ADGRL4: variants seen among roughly 807,000 people sequenced by gnomAD.
ADGRL4 encodes adhesion G protein-coupled receptor L4.
A neutral mutation model predicts 74.8 loss-of-function variants in ADGRL4; 90 were observed. That is an observed-to-expected ratio of 1.20 (90% CI 1.02 to 1.43). The LOEUF (loss-of-function observed/expected upper bound fraction) is 1.43, where lower values mean the gene tolerates loss of function less well. Ranked by LOEUF, ADGRL4 falls within the 40% of genes most tolerant of loss-of-function variation. The probability of loss-of-function intolerance (pLI) is 0.00; values close to 1 mark genes in which losing one functional copy is unlikely to be tolerated. For synonymous variants in ADGRL4, 311 were observed against 279.2 expected, an observed-to-expected ratio of 1.11 and a Z score of -1.14; for missense variants, 881 against 814.3, an observed-to-expected ratio of 1.08 and a Z score of -1.00.
At chr1:78,957,749 A>G (rs1182971130) in intron 2 of ADGRL4, among the ~76,000 whole-genome samples, 5 of 152,194 alleles carry the variant, frequency 3.3e-5, no homozygotes, top group Non-Finnish European at 5.9e-5. Context: ...AAATCTGGCT[A>G]AGATAATTGT....
chr1:78,913,113 C>A (rs1287562598), intron 12 of ADGRL4, among the ~76,000 whole-genome samples: 1 of 151,722 alleles, frequency 6.6e-6, no homozygotes, highest in Non-Finnish European at 1.5e-5. Flanking sequence ...GTCAGAATGG[C>A]TATTATTAAA....
At chr1:78,906,065 T>C (rs1255998545) in intron 12 of ADGRL4, among the ~76,000 whole-genome samples, 1 of 151,952 alleles carries the variant, frequency 6.6e-6, no homozygotes, top group African/African-American at 2.4e-5. Context: ...TGGACAACTT[T>C]CAATAGTTTG....
rs370063408 is a variant in ADGRL4, at chr1:78,918,360, A to G, written c.1462-310T>C. Among the ~76,000 whole-genome samples the G allele has an allele frequency of 5.1e-4, 78 of 152,046 alleles. 1 individual carries two copies. In the East Asian group the frequency reaches 9.5e-3, roughly 19 times the overall value. On this transcript the variant is annotated intron_variant, in intron 10 of 14. Transcript: ENST00000370742. Reference sequence around the variant, plus strand: ...GGATTATTCTCATGTAAACCATGGTATCTTGGTGAATATGTTAGGATTTAA... The same window carrying G: ...GGATTATTCTCATGTAAACCATGGTGTCTTGGTGAATATGTTAGGATTTAA...
At chr1:78,919,723 C>T (rs1417405575) in intron 10 of ADGRL4, among the ~76,000 whole-genome samples, 1 of 151,808 alleles carries the variant, frequency 6.6e-6, no homozygotes, top group Non-Finnish European at 1.5e-5. Flanking sequence ...TGGGAAGGTT[C>T]AAATGGTTCA....
At chr1:79,006,542 C>G in intron 1 of ADGRL4, 91 bp downstream of exon 1, 2 of 1,424,222 alleles carry the variant, frequency 1.4e-6, no homozygotes, top group African/African-American at 1.5e-5. Context: ...AATACACTTG[C>G]CATGTGAGCT....
intron 2 of ADGRL4, among the ~76,000 whole-genome samples, chr1:78,949,308 T>C (rs1649675920): frequency 6.6e-6 from 1 of 152,140 alleles, no homozygotes; most frequent in Admixed American, 6.6e-5. Context: ...AATACATTAA[T>C]AGGTAGAAAA....
At chr1:78,944,999 T>A (rs1003298022) in intron 3 of ADGRL4, among the ~76,000 whole-genome samples, 6 of 151,722 alleles carry the variant, frequency 4.0e-5, no homozygotes, top group African/African-American at 4.8e-5. Flanking sequence ...ACCCTGCCTC[T>A]ACTAAAATAC....
chr1:78,942,805 G>A (rs989099411), intron 3 of ADGRL4, among the ~76,000 whole-genome samples: 5 of 152,000 alleles, frequency 3.3e-5, no homozygotes, highest in Non-Finnish European at 5.9e-5. Context: ...GTGGTGTGTA[G>A]TGTAGTCCCA....
intron 12 of ADGRL4, among the ~76,000 whole-genome samples, chr1:78,895,433 C>T (rs1239669978): frequency 6.6e-6 from 1 of 151,796 alleles, no homozygotes; most frequent in African/African-American, 2.4e-5. Context: ...TCATACAATC[C>T]TTATAAATCT....
At chr1:78,938,072 A>G (rs1489765394) in intron 5 of ADGRL4, 28 bp downstream of exon 5, 6 of 1,607,576 alleles carry the variant, frequency 3.7e-6, no homozygotes, top group Non-Finnish European at 5.1e-6. Flanking sequence ...AAGCTCAATT[A>G]TATTGAGTTA....
chr1:78,964,642 T>C (rs953013797), intron 2 of ADGRL4, among the ~76,000 whole-genome samples: 2 of 152,138 alleles, frequency 1.3e-5, no homozygotes, highest in Non-Finnish European at 2.9e-5. Context: ...TCATCAATCA[T>C]AGTAAAACTG....
chr1:78,913,434 T>C (rs1028586555), intron 12 of ADGRL4, among the ~76,000 whole-genome samples: 8 of 151,978 alleles, frequency 5.3e-5, no homozygotes, highest in Non-Finnish European at 1.0e-4. Context: ...CGTGGAATAC[T>C]ATGCAGTCAG....
chr1:78,982,925 G>C (rs1168129577), intron 2 of ADGRL4, among the ~76,000 whole-genome samples: 1 of 151,828 alleles, frequency 6.6e-6, no homozygotes. Context: ...TACATATTCA[G>C]TGATAGGATG....
chr1:78,937,315 C>G (rs182156765), intron 6 of ADGRL4, among the ~76,000 whole-genome samples: 1 of 152,262 alleles, frequency 6.6e-6, no homozygotes, highest in East Asian at 1.9e-4. Context: ...TGTGCTGGCA[C>G]ACGCCTGTAA....
At chr1:78,934,063 GA>G (rs934149908) in intron 7 of ADGRL4, among the ~76,000 whole-genome samples, 3 of 151,702 alleles carry the variant, frequency 2.0e-5, no homozygotes, top group Admixed American at 1.3e-4. Context: ...CACAGAATTA[GA>G]AAAAAAATAC....
intron 10 of ADGRL4, 148 bp from the exon 11 acceptor site, chr1:78,918,198 C>T (rs1229892609): frequency 1.6e-6 from 1 of 612,874 alleles, no homozygotes; most frequent in African/African-American, 1.9e-5. Context: ...ATTAAAATAC[C>T]ATGTCAGTTC....
intron 12 of ADGRL4, among the ~76,000 whole-genome samples, chr1:78,911,874 C>T (rs1252616900): frequency 6.6e-6 from 1 of 151,840 alleles, no homozygotes; most frequent in East Asian, 1.9e-4. Context: ...TTAACTTCAT[C>T]TGCATATTAG....
At chr1:78,991,486 C>T (rs1284493457) in intron 2 of ADGRL4, among the ~76,000 whole-genome samples, 1 of 151,950 alleles carries the variant, frequency 6.6e-6, no homozygotes, top group Non-Finnish European at 1.5e-5. Flanking sequence ...AGAATGCTGA[C>T]AATTTAGTAC....
At chr1:78,971,052 G>A (rs562427844) in intron 2 of ADGRL4, among the ~76,000 whole-genome samples, 8 of 152,126 alleles carry the variant, frequency 5.3e-5, no homozygotes, top group East Asian at 3.9e-4. Context: ...TAATAACCCC[G>A]TTTGTCTCTT....
Sources: allele counts gnomAD v4.1 joint callset (sites outside exome capture counted in the v4.1 genomes callset), GRCh38; gene constraint gnomAD v4.1.1; transcripts MANE v1.5; gene names NCBI Gene and HGNC (gene_info 2026-07-23, HGNC 2026-07-21).